The following ARK2N variants were observed in gnomAD, a reference collection of about 807,000 sequenced individuals.
ARK2N encodes arkadia (RNF111) N-terminal like PKA signaling regulator 2N, also known as protein ARK2N.
At chr18:46,179,429 T>G in the ARK2N span, among the ~76,000 whole-genome samples, 1 of 152,156 alleles carries the variant, frequency 6.6e-6, no homozygotes, top group Non-Finnish European at 1.5e-5. Flanking sequence ...TGTACCTCTT[T>G]TCCTTACTTT....
chr18:46,255,445 C>CTTTTTTTTTTTTTTTTTTTTTTTTTTTTT, the ARK2N span, among the ~76,000 whole-genome samples: 1 of 77,742 alleles, frequency 1.3e-5, no homozygotes, highest in African/African-American at 6.1e-5. Flanking sequence ...CTTTTCTTTT[C>CTTTTTTTTTTTTTTTTTTTTTTTTTTTTT]TTTTTTTTTT....
the ARK2N span, among the ~76,000 whole-genome samples, chr18:46,175,922 G>A: frequency 6.6e-6 from 1 of 152,152 alleles, no homozygotes; most frequent in Non-Finnish European, 1.5e-5. Flanking sequence ...CCGTGTAGTT[G>A]TTACTTATTC....
chr18:46,246,003 CAG>C, the ARK2N span, among the ~76,000 whole-genome samples: 1 of 152,208 alleles, frequency 6.6e-6, no homozygotes, highest in Admixed American at 6.5e-5. Context: ...GAGACCTACA[CAG>C]AGACAGCCAG....
chr18:46,194,999 G>A, the ARK2N span, among the ~76,000 whole-genome samples: 1 of 150,446 alleles, frequency 6.6e-6, no homozygotes, highest in Non-Finnish European at 1.5e-5. Context: ...ACGGGGTTTC[G>A]CCATGTTGAC....
the ARK2N span, among the ~76,000 whole-genome samples, chr18:46,257,397 A>G: frequency 6.6e-6 from 1 of 151,458 alleles, no homozygotes; most frequent in Admixed American, 6.6e-5. Context: ...TTAGATTTTG[A>G]TGTATTCATT....
At chr18:46,255,805 T>G in the ARK2N span, among the ~76,000 whole-genome samples, 1 of 152,082 alleles carries the variant, frequency 6.6e-6, no homozygotes, top group South Asian at 2.1e-4. Context: ...AAATAATTTT[T>G]ATTTTTCAGT....
chr18:46,208,553 T>C, the ARK2N span, among the ~76,000 whole-genome samples: 1 of 140,086 alleles, frequency 7.1e-6, no homozygotes. Flanking sequence ...CACTGCAGCC[T>C]CTGCCTCCCA....
At chr18:46,182,626 T>C in the ARK2N span, among the ~76,000 whole-genome samples, 1 of 151,606 alleles carries the variant, frequency 6.6e-6, no homozygotes, top group Admixed American at 6.6e-5. Context: ...TTTTAAATTA[T>C]TCTTGATTTA....
the ARK2N span, chr18:46,232,919 A>C: frequency 6.6e-6 from 1 of 152,258 alleles, no homozygotes; most frequent in South Asian, 2.1e-4. Context: ...TAGATGAATA[A>C]AAATTTTGAA....
chr18:46,261,466 C>T, the ARK2N span, among the ~76,000 whole-genome samples: 5 of 152,124 alleles, frequency 3.3e-5, no homozygotes, highest in South Asian at 4.1e-4. Context: ...GGTAGTGTTC[C>T]GTTGGCCTTC....
At chr18:46,252,282 C>G in the ARK2N span, among the ~76,000 whole-genome samples, 15 of 146,878 alleles carry the variant, frequency 1.0e-4, no homozygotes, top group East Asian at 3.0e-3. Flanking sequence ...ATTTTCTTTT[C>G]TTTTTTTTTT....
At chr18:46,200,595 C>G in the ARK2N span, among the ~76,000 whole-genome samples, 458 of 152,224 alleles carry the variant, frequency 3.0e-3, 2 homozygotes, top group African/African-American at 0.01. Flanking sequence ...TGTGAGCCAC[C>G]GCACCTGGCC....
At chr18:46,186,120 T>G in the ARK2N span, among the ~76,000 whole-genome samples, 4 of 152,110 alleles carry the variant, frequency 2.6e-5, no homozygotes, top group African/African-American at 9.7e-5. Flanking sequence ...GCTAGGAGTG[T>G]TTTTATTTTA....
the ARK2N span, among the ~76,000 whole-genome samples, chr18:46,181,537 A>AC: frequency 1.6e-4 from 24 of 151,864 alleles, no homozygotes; most frequent in East Asian, 3.9e-3. Context: ...ACGTGGTGAA[A>AC]CCCCGTCTCT....
chr18:46,239,086 G>C, the ARK2N span, among the ~76,000 whole-genome samples: 6 of 152,102 alleles, frequency 3.9e-5, no homozygotes, highest in African/African-American at 1.4e-4. Flanking sequence ...TGCTGTTAAC[G>C]TTTTTCTTAA....
the ARK2N span, among the ~76,000 whole-genome samples, chr18:46,191,208 G>A: frequency 1.3e-5 from 2 of 152,206 alleles, no homozygotes; most frequent in East Asian, 1.9e-4. Context: ...TTTTAGATGA[G>A]TTTTAGGTTT....
the ARK2N span, among the ~76,000 whole-genome samples, chr18:46,241,354 A>G: frequency 6.6e-6 from 1 of 152,156 alleles, no homozygotes; most frequent in Non-Finnish European, 1.5e-5. Context: ...TTTTATATGT[A>G]TAAATCCTTG....
chr18:46,246,965 AC>A, the ARK2N span, among the ~76,000 whole-genome samples: 1 of 151,326 alleles, frequency 6.6e-6, no homozygotes, highest in Admixed American at 6.6e-5. Flanking sequence ...AAAATAGCAG[AC>A]CCCAATTTAA....
the ARK2N span, chr18:46,216,712 T>A: frequency 1.1e-6 from 1 of 914,164 alleles, no homozygotes; most frequent in South Asian, 1.8e-5. The surrounding 1 kb of genome is among the most constrained non-coding windows in gnomAD (Gnocchi z 4.3). Context: ...CTGTGTAAAT[T>A]TGAAGACTGC....
Sources: allele counts gnomAD v4.1 joint callset (sites outside exome capture counted in the v4.1 genomes callset), GRCh38; gene constraint gnomAD v4.1.1; non-coding constraint Gnocchi (gnomAD v3.1); transcripts MANE v1.5; gene names NCBI Gene and HGNC (gene_info 2026-07-23, HGNC 2026-07-21).